The following FGF14 variants were observed in gnomAD, a reference collection of about 807,000 sequenced individuals.
FGF14 encodes fibroblast growth factor homologous factor 4.
In FGF14, 5 loss-of-function variants were observed where a neutral mutation model predicts 25.5. That is an observed-to-expected ratio of 0.20 (90% CI 0.10 to 0.41). The LOEUF (loss-of-function observed/expected upper bound fraction) is 0.41, where lower values mean the gene tolerates loss of function less well. Ranked by LOEUF, FGF14 falls within the 10% of genes least tolerant of loss-of-function variation. The pLI, the probability that FGF14 is intolerant of heterozygous loss-of-function variation, is 1.00. For missense variants in FGF14, 222 were observed against 320.1 expected, an observed-to-expected ratio of 0.69 and a Z score of 2.34; for synonymous variants, 138 against 118.3, an observed-to-expected ratio of 1.17 and a Z score of -1.08.
At chr13:101,776,369 G>T (rs1594207595) in intron 3 of FGF14, among the ~76,000 whole-genome samples, 1 of 152,240 alleles carries the variant, frequency 6.6e-6, no homozygotes, top group South Asian at 2.1e-4. Context: ...ATCATCATTA[G>T]GATGCATTTC....
chr13:101,715,696 C>A lies in FGF14; in HGVS notation c.*7135G>T, dbSNP rs779831497. On this transcript the variant is annotated 3_prime_UTR_variant, in exon 5 of 5. Transcript: ENST00000376143. ...GTCTGGATTCTTATTTTTTCTGGGC[C>A]ATTAGAACAGATAAATGCGAAGGAA... 2 of 1,306,900 alleles carry A rather than the reference C, an allele frequency of 1.5e-6. No homozygotes were observed. The highest frequency in any genetic ancestry group is 1.5e-5 in the African/African-American group (1 of 68,902). 81.0% of individuals were successfully genotyped at this position (1,306,900 alleles called of 1,614,324 possible).
chr13:102,108,230 A>G (rs1212118775), intron 1 of FGF14, among the ~76,000 whole-genome samples: 1 of 152,178 alleles, frequency 6.6e-6, no homozygotes, highest in Non-Finnish European at 1.5e-5. Flanking sequence ...AATCAGTACA[A>G]TTTTTAAAAT....
At chr13:102,107,831 G>GA (rs1167125760) in intron 1 of FGF14, among the ~76,000 whole-genome samples, 2 of 152,188 alleles carry the variant, frequency 1.3e-5, no homozygotes, top group Non-Finnish European at 2.9e-5. Flanking sequence ...TCAGAAAACA[G>GA]AAAGTCATAT....
chr13:101,754,064 T>G lies in FGF14; in HGVS notation c.409-27254A>C, dbSNP rs150651440. ...CTGGAATAGCCATTTCTTTGCCTTT[T>G]CGTGCTAGCTAGATTACTCTTAAGA... On this transcript the variant is annotated intron_variant, in intron 3 of 4. Coordinates refer to ENST00000376143, the MANE Select transcript of FGF14 (RefSeq NM_004115.4). 7.9e-4 allele frequency among the ~76,000 whole-genome samples: 120 copies of G among 152,322 alleles called. 1 individual carries two copies. In the East Asian group the frequency reaches 0.019, roughly 25 times the overall value.
intron 3 of FGF14, among the ~76,000 whole-genome samples, chr13:101,756,766 AC>A (rs1231127311): frequency 1.3e-5 from 2 of 152,142 alleles, no homozygotes; most frequent in African/African-American, 4.8e-5. Flanking sequence ...AAACAAACAA[AC>A]AAACAAAAAA....
intron 1 of FGF14, among the ~76,000 whole-genome samples, chr13:102,051,424 G>C (rs1367017479): frequency 6.6e-6 from 1 of 152,144 alleles, no homozygotes; most frequent in Non-Finnish European, 1.5e-5. Flanking sequence ...TCAGGCCTCA[G>C]ATCCACAGGC....
chr13:102,084,549 T>A (rs558139329), intron 1 of FGF14, among the ~76,000 whole-genome samples: 4 of 152,328 alleles, frequency 2.6e-5, no homozygotes, highest in African/African-American at 9.6e-5. Context: ...ATTAGCGTTA[T>A]CTGCTAATCA....
intron 1 of FGF14, among the ~76,000 whole-genome samples, chr13:102,045,562 T>TA (rs2041945897): frequency 6.6e-6 from 1 of 152,070 alleles, no homozygotes; most frequent in South Asian, 2.1e-4. Flanking sequence ...GAAAAAAAAT[T>TA]AAAAGACCAT....
At chr13:102,106,964 C>G (rs542662865) in intron 1 of FGF14, among the ~76,000 whole-genome samples, 47 of 152,208 alleles carry the variant, frequency 3.1e-4, no homozygotes, top group African/African-American at 1.1e-3. Context: ...GGCAACAGTC[C>G]GATAGCTCAC....
intron 1 of FGF14, among the ~76,000 whole-genome samples, chr13:102,289,512 T>A (rs1251864799): frequency 6.6e-6 from 1 of 152,182 alleles, no homozygotes; most frequent in Non-Finnish European, 1.5e-5. Context: ...GATGGCTATG[T>A]TATGATAAAA....
rs1385024256 is a variant in FGF14, at chr13:101,719,634, G to A, written c.*3197C>T. 1 of 152,068 alleles carries A rather than the reference G, an allele frequency of 6.6e-6. No individual in the cohort carries two copies. The highest frequency in any genetic ancestry group is 1.5e-5 in the Non-Finnish European group (1 of 68,016). The allele number at this position is 152,068 out of a possible 1,614,324, so 9.4% of individuals were successfully genotyped here. ...AAACAACATTTCTGAGCGTTGTTGA[G>A]GGACTGGCAAAGCAATCAGCTACTA... is the stretch of plus-strand genomic sequence containing the variant. On this transcript the variant is annotated 3_prime_UTR_variant, in exon 5 of 5. Coordinates refer to ENST00000376143, the MANE Select transcript of FGF14 (RefSeq NM_004115.4).
chr13:101,844,083 A>C (rs528520128), intron 3 of FGF14, among the ~76,000 whole-genome samples: 7 of 151,998 alleles, frequency 4.6e-5, no homozygotes, highest in Admixed American at 1.3e-4. Context: ...AAGCCCTTTC[A>C]ACTACAAAAA....
At chr13:102,233,733 G>A (rs533019928) in intron 1 of FGF14, among the ~76,000 whole-genome samples, 2 of 152,242 alleles carry the variant, frequency 1.3e-5, no homozygotes, top group South Asian at 4.2e-4. Flanking sequence ...AGAAAACCCA[G>A]CCACTGTTCC....
intron 1 of FGF14, among the ~76,000 whole-genome samples, chr13:102,032,403 A>G (rs9585836): frequency 0.56 from 85,052 of 151,990 alleles, 26,785 homozygotes; most frequent in African/African-American, 0.85. Context: ...GAATTGCACA[A>G]AAAAATAAAA....
intron 1 of FGF14, among the ~76,000 whole-genome samples, chr13:102,078,525 T>C (rs1462515206): frequency 6.6e-6 from 1 of 152,200 alleles, no homozygotes; most frequent in East Asian, 1.9e-4. Context: ...ATGTGCAATC[T>C]GTATCGTAAT....
rs538883152 is a variant in FGF14 at position 101,829,547 on chromosome 13, C to T, written c.408+39178G>A. Among the ~76,000 whole-genome samples the T allele has an allele frequency of 5.9e-5, 9 of 151,996 alleles. No homozygotes were observed. In the South Asian group the frequency reaches 6.2e-4, roughly 11 times the overall value. The stretch of plus-strand genomic sequence containing the variant: ...TAAAGTGTTCACTCTTCAGCTATTC[C>T]GGAGGTATTGAGAACAAATAAGAAT... On this transcript the variant is annotated intron_variant, in intron 3 of 4. Coordinates refer to ENST00000376143, the MANE Select transcript of FGF14 (RefSeq NM_004115.4).
intron 1 of FGF14, among the ~76,000 whole-genome samples, chr13:102,021,475 T>C (rs1419201760): frequency 6.6e-6 from 1 of 151,838 alleles, no homozygotes; most frequent in African/African-American, 2.4e-5. Flanking sequence ...TCAGATTTCT[T>C]AACTCTTACT....
At chr13:101,792,012 T>A (rs1172559764) in intron 3 of FGF14, among the ~76,000 whole-genome samples, 1 of 152,172 alleles carries the variant, frequency 6.6e-6, no homozygotes, top group African/African-American at 2.4e-5. Flanking sequence ...TACTGAAGCC[T>A]TATTTGGCCT....
rs879944090 is a variant in FGF14 at position 101,717,556 on chromosome 13, C to A, written c.*5275G>T. 1 of 152,084 alleles carries A rather than the reference C, an allele frequency of 6.6e-6. No individual in the cohort carries two copies. Among genetic ancestry groups the A allele is most frequent in the African/African-American group, 2.4e-5 (1 of 41,408 alleles). The allele number at this position is 152,084 out of a possible 1,614,324, so 9.4% of individuals were successfully genotyped here. A position where few individuals can be genotyped will look rare whatever the true frequency, so the allele number is the denominator to read the frequency against. ...CATTGGAATTCATTACATTATCTAG[C>A]CATCGTAATACAAATGACCTTTGGA... is the stretch of plus-strand genomic sequence containing the variant. On this transcript the variant is annotated 3_prime_UTR_variant, in exon 5 of 5. Coordinates refer to ENST00000376143, the MANE Select transcript of FGF14 (RefSeq NM_004115.4).
Sources: gnomAD v4.1 joint callset for allele counts (sites outside exome capture counted in the v4.1 genomes callset) on GRCh38, gnomAD v4.1.1 for gene constraint, MANE v1.5 for transcripts, NCBI Gene and HGNC (gene_info 2026-07-23, HGNC 2026-07-21) for gene names.